The following RIMS2 variants were observed in gnomAD, a reference collection of about 807,000 sequenced individuals.
The protein encoded by RIMS2 is regulating synaptic membrane exocytosis protein 2.
Under a neutral mutation model 174.4 loss-of-function variants are expected in RIMS2, and 59 were observed. The observed-to-expected ratio is 0.34, with a 90% CI of 0.27 to 0.42. The LOEUF is 0.42. RIMS2 is among the 10% of genes least tolerant of loss of function. The pLI, the probability that RIMS2 is intolerant of heterozygous loss-of-function variation, is 1.00. For missense variants in RIMS2, 1,620 were observed against 1,666.3 expected (o/e 0.97, Z 0.48); for synonymous variants, 606 against 572.5 (o/e 1.06, Z -0.84).
At chr8:103,559,658 C>A (rs769161035) in intron 1 of RIMS2, among the ~76,000 whole-genome samples, 7 of 152,176 alleles carry the variant, frequency 4.6e-5, no homozygotes, top group Non-Finnish European at 1.0e-4. Flanking sequence ...CTAGTGCTAG[C>A]ACACTGAGGA....
chr8:104,109,275 C>T (rs530618581), intron 19 of RIMS2, among the ~76,000 whole-genome samples: 22 of 128,502 alleles, frequency 1.7e-4, no homozygotes, highest in Admixed American at 4.8e-4. Flanking sequence ...CCAGCCTGGG[C>T]GACAGAGTGA....
At chr8:104,156,415 G>A (rs2098724467) in intron 19 of RIMS2, among the ~76,000 whole-genome samples, 1 of 152,170 alleles carries the variant, frequency 6.6e-6, no homozygotes, top group African/African-American at 2.4e-5. Context: ...TATAGCCTTA[G>A]AGAGTGCCCA....
At chr8:104,228,036 T>C (rs1353075161) in intron 19 of RIMS2, among the ~76,000 whole-genome samples, 1 of 150,112 alleles carries the variant, frequency 6.7e-6, no homozygotes, top group East Asian at 1.9e-4. Flanking sequence ...TTTTTTTTTT[T>C]TTTTTTCTTT....
intron 7 of RIMS2, among the ~76,000 whole-genome samples, chr8:103,915,934 TCACCCC>T (rs1315513425): frequency 1.3e-5 from 2 of 152,008 alleles, no homozygotes; most frequent in Non-Finnish European, 2.9e-5. Context: ...ACCGTGTGTG[TCACCCC>T]TTATCTCTTT....
At chr8:104,140,906 C>A (rs1234683139) in intron 19 of RIMS2, among the ~76,000 whole-genome samples, 2 of 152,102 alleles carry the variant, frequency 1.3e-5, no homozygotes, top group African/African-American at 2.4e-5. Context: ...AATAAAGTAG[C>A]TGAAATCATC....
chr8:103,509,119 G>T (rs1481007667), intron 1 of RIMS2, among the ~76,000 whole-genome samples: 1 of 152,134 alleles, frequency 6.6e-6, no homozygotes, highest in Middle Eastern at 3.4e-3. Context: ...GGTATAATGG[G>T]ATGGTAGTAA....
intron 3 of RIMS2, among the ~76,000 whole-genome samples, chr8:103,806,594 A>C (rs1292142169): frequency 1.3e-5 from 2 of 151,950 alleles, no homozygotes; most frequent in Non-Finnish European, 2.9e-5. Flanking sequence ...GGGTTTAAAC[A>C]TGGAAGGAGC....
chr8:103,795,160 C>G (rs2098539387), intron 3 of RIMS2, among the ~76,000 whole-genome samples: 1 of 152,150 alleles, frequency 6.6e-6, no homozygotes, highest in African/African-American at 2.4e-5. Flanking sequence ...GCACTATTCA[C>G]AATAGCAAAG....
intron 1 of RIMS2, among the ~76,000 whole-genome samples, chr8:103,655,760 GGTGTA>G (rs1169581121): frequency 6.6e-6 from 1 of 152,034 alleles, no homozygotes; most frequent in African/African-American, 2.4e-5. Flanking sequence ...GACCAAGATG[GGTGTA>G]GTATAGTAGA....
At chr8:104,221,491 T>C (rs1409494407) in intron 19 of RIMS2, among the ~76,000 whole-genome samples, 1 of 152,156 alleles carries the variant, frequency 6.6e-6, no homozygotes, top group Non-Finnish European at 1.5e-5. Context: ...AATAAAATTT[T>C]CTAGTCTCTG....
chr8:103,993,175 G>A (rs1462711438), intron 17 of RIMS2, among the ~76,000 whole-genome samples: 1 of 152,036 alleles, frequency 6.6e-6, no homozygotes, highest in Non-Finnish European at 1.5e-5. Flanking sequence ...ATTAGAATAA[G>A]TATAGAGTAT....
In RIMS2 at chr8:103,501,111, C is replaced by T. The variant is rs773997800; in HGVS notation, c.176+49C>T. 13 of 1,442,680 alleles carry T rather than the reference C, an allele frequency of 9.0e-6. No homozygotes were observed. The African/African-American group carries it at 1.2e-4, about 13-fold the overall frequency. The allele number at this position is 1,442,680 out of a possible 1,614,324, so 89.4% of individuals were successfully genotyped here. On this transcript the variant is annotated intron_variant, in intron 1 of 23. Coordinates refer to ENST00000504942, the Ensembl canonical transcript of RIMS2. Reference sequence around the variant, plus strand: ...CGCCTCTCTCCCTGCCCTCCGCCCCCTCGCCCACTGCCCTGCGGCCGCCTG... The same window carrying T: ...CGCCTCTCTCCCTGCCCTCCGCCCCTTCGCCCACTGCCCTGCGGCCGCCTG...
chr8:103,771,858 G>C (rs139444938), intron 3 of RIMS2, among the ~76,000 whole-genome samples: 77 of 152,162 alleles, frequency 5.1e-4, no homozygotes, highest in Non-Finnish European at 7.8e-4. Flanking sequence ...TCATTCAACA[G>C]ATATTTATTG....
At chr8:104,041,642 G>A (rs536064520) in intron 19 of RIMS2, among the ~76,000 whole-genome samples, 6 of 151,602 alleles carry the variant, frequency 4.0e-5, no homozygotes, top group South Asian at 2.1e-4. Context: ...GTATGTATGC[G>A]TATGTATATT....
intron 13 of RIMS2, among the ~76,000 whole-genome samples, chr8:103,938,259 G>GA (rs2081721561): frequency 6.6e-6 from 1 of 152,082 alleles, no homozygotes; most frequent in Admixed American, 6.6e-5. Context: ...ACATACCCGA[G>GA]ACTGGGAAGA....
intron 19 of RIMS2, among the ~76,000 whole-genome samples, chr8:104,108,013 G>C (rs1369140647): frequency 6.7e-6 from 1 of 148,678 alleles, no homozygotes; most frequent in Non-Finnish European, 1.5e-5. Context: ...GAAATCAGTG[G>C]AAATTACTTC....
intron 1 of RIMS2, among the ~76,000 whole-genome samples, chr8:103,542,915 C>G (rs931199363): frequency 6.6e-6 from 1 of 152,136 alleles, no homozygotes; most frequent in Non-Finnish European, 1.5e-5. Context: ...CAACTAACAT[C>G]ATTCCCAATG....
intron 19 of RIMS2, among the ~76,000 whole-genome samples, chr8:104,048,038 A>G (rs973983760): frequency 3.9e-5 from 6 of 152,156 alleles, no homozygotes; most frequent in African/African-American, 1.4e-4. Context: ...TATTTCTGTG[A>G]AAAAAGAAAG....
intron 16 of RIMS2, among the ~76,000 whole-genome samples, chr8:103,983,973 ACCAT>A (rs2094140981): frequency 6.6e-6 from 1 of 152,100 alleles, no homozygotes; most frequent in African/African-American, 2.4e-5. Context: ...GGAGATCGAG[ACCAT>A]CCTGGCTAAC....
Sources: allele counts gnomAD v4.1 joint callset (sites outside exome capture counted in the v4.1 genomes callset), GRCh38; gene constraint gnomAD v4.1.1; transcripts MANE v1.5; gene names NCBI Gene and HGNC (gene_info 2026-07-23, HGNC 2026-07-21).